The following NCALD variants were observed in gnomAD, a reference collection of about 807,000 sequenced individuals.
NCALD encodes the protein neurocalcin delta, also known as neurocalcin-delta.
In NCALD, 10 loss-of-function variants were observed where a neutral mutation model predicts 18.6. That is an observed-to-expected ratio of 0.54 (90% CI 0.33 to 0.91). The LOEUF (loss-of-function observed/expected upper bound fraction) is 0.91. Ranked by LOEUF, NCALD falls within the 40% of genes least tolerant of loss-of-function variation. The pLI is 0.03. For synonymous variants in NCALD, 88 were observed against 87.4 expected, an observed-to-expected ratio of 1.01 and a Z score of -0.04; for missense variants, 184 against 247.6, an observed-to-expected ratio of 0.74 and a Z score of 1.72.
In NCALD at chr8:101,770,355, T is replaced by G. The variant is rs138264243; in HGVS notation, c.-20+20507A>C. On this transcript the variant is annotated intron_variant, in intron 1 of 3. Transcript: ENST00000220931. Reference sequence around the variant, plus strand: ...ACTAGACTAACCCCTTAAAGAAATGTCAGCAAGAGATGATGTTATAATCAG... The same window carrying G: ...ACTAGACTAACCCCTTAAAGAAATGGCAGCAAGAGATGATGTTATAATCAG... Among the ~76,000 whole-genome samples the G allele has an allele frequency of 2.4e-4, 36 of 152,330 alleles. 1 individual carries two copies. The South Asian group carries it at 6.8e-3, about 29-fold the overall frequency.
intron 4 of NCALD, among the ~76,000 whole-genome samples, chr8:101,803,659 T>G (rs1460214027): frequency 6.6e-6 from 1 of 152,160 alleles, no homozygotes; most frequent in Admixed American, 6.5e-5. Flanking sequence ...GAGGCCAAAA[T>G]ATCAATATTA....
At chr8:101,896,582 T>A (rs957654598) in intron 3 of NCALD, among the ~76,000 whole-genome samples, 1 of 151,916 alleles carries the variant, frequency 6.6e-6, no homozygotes, top group Non-Finnish European at 1.5e-5. Context: ...ACAGGCAACC[T>A]ACAAAATGGG....
At chr8:101,965,324 T>C (rs562384392) in intron 2 of NCALD, among the ~76,000 whole-genome samples, 1 of 152,328 alleles carries the variant, frequency 6.6e-6, no homozygotes, top group East Asian at 1.9e-4. Context: ...CATATGTTTA[T>C]TGCAGCACTG....
At chr8:101,877,461 T>G (rs1035359313) in intron 4 of NCALD, among the ~76,000 whole-genome samples, 3 of 152,214 alleles carry the variant, frequency 2.0e-5, no homozygotes, top group African/African-American at 7.2e-5. Context: ...TTTCCCCATT[T>G]ATCCAGCATT....
chr8:101,861,144 G>A (rs1220226487), intron 4 of NCALD, among the ~76,000 whole-genome samples: 2 of 152,082 alleles, frequency 1.3e-5, no homozygotes, highest in African/African-American at 2.4e-5. Context: ...GACTTCTGAC[G>A]CCCAGAATGG....
At chr8:102,002,837 A>G (rs1821530331) in intron 2 of NCALD, among the ~76,000 whole-genome samples, 1 of 152,248 alleles carries the variant, frequency 6.6e-6, no homozygotes, top group Non-Finnish European at 1.5e-5. Flanking sequence ...AACGAGAACA[A>G]AGACACAACA....
intron 3 of NCALD, among the ~76,000 whole-genome samples, chr8:101,906,051 G>A (rs540832285): frequency 5.3e-5 from 8 of 152,284 alleles, no homozygotes; most frequent in Admixed American, 4.6e-4. Flanking sequence ...CAAACTCATT[G>A]TTTGCTTACC....
intron 2 of NCALD, among the ~76,000 whole-genome samples, chr8:101,716,566 C>T (rs1055919540): frequency 1.3e-5 from 2 of 152,140 alleles, no homozygotes; most frequent in Admixed American, 6.5e-5. Flanking sequence ...TTTGCTTATT[C>T]ACCCAGATGT....
intron 1 of NCALD, chr8:101,788,969 A>G (rs576492615): frequency 1.3e-5 from 2 of 152,310 alleles, no homozygotes; most frequent in Admixed American, 6.5e-5. Context: ...AAACTTCATC[A>G]TTGAGATTTT....
chr8:101,848,797 T>C (rs532562317), intron 4 of NCALD, among the ~76,000 whole-genome samples: 18 of 152,192 alleles, frequency 1.2e-4, no homozygotes, highest in South Asian at 2.1e-4. Context: ...ACATTGCTTC[T>C]AAGAATTTTA....
chr8:102,102,021 A>C (rs553502926), intron 1 of NCALD, among the ~76,000 whole-genome samples: 1 of 151,732 alleles, frequency 6.6e-6, no homozygotes, highest in East Asian at 2.0e-4. Flanking sequence ...ATAGCTCTTA[A>C]AACTCATCCT....
chr8:101,858,034 G>T (rs1410114627), intron 4 of NCALD, among the ~76,000 whole-genome samples: 2 of 152,120 alleles, frequency 1.3e-5, no homozygotes, highest in Admixed American at 6.5e-5. Flanking sequence ...AGAGCAATTT[G>T]ATTAAAACAA....
intron 4 of NCALD, among the ~76,000 whole-genome samples, chr8:101,829,777 C>T (rs7841057): frequency 1 from 152,121 of 152,338 alleles, 75,952 homozygotes; most frequent in Middle Eastern, 1. Flanking sequence ...TACAACTAAA[C>T]AGCAAACATC....
intron 4 of NCALD, among the ~76,000 whole-genome samples, chr8:101,798,236 T>G (rs995604425): frequency 6.6e-6 from 1 of 152,180 alleles, no homozygotes; most frequent in Non-Finnish European, 1.5e-5. Context: ...GTGGATGAAA[T>G]GATTATCTAT....
chr8:101,834,649 T>C (rs971020416), intron 4 of NCALD, among the ~76,000 whole-genome samples: 1 of 152,198 alleles, frequency 6.6e-6, no homozygotes, highest in Admixed American at 6.5e-5. Flanking sequence ...GAAGTATGAT[T>C]TTCCCCAGGA....
At chr8:101,724,971 C>T (rs1816509092) in intron 1 of NCALD, among the ~76,000 whole-genome samples, 1 of 152,200 alleles carries the variant, frequency 6.6e-6, no homozygotes, top group Non-Finnish European at 1.5e-5. Context: ...CAAACAGGCA[C>T]TAAGTGTCTA....
chr8:101,717,806 C>G (rs748526681), intron 2 of NCALD, among the ~76,000 whole-genome samples: 2 of 152,154 alleles, frequency 1.3e-5, no homozygotes, highest in Non-Finnish European at 2.9e-5. Context: ...GAATGGGAAG[C>G]TCTGTGAGAT....
intron 2 of NCALD, chr8:102,020,104 A>G (rs1413640032): frequency 6.6e-6 from 1 of 152,150 alleles, no homozygotes; most frequent in Non-Finnish European, 1.5e-5. Context: ...CAATTTCCTC[A>G]TGTATAAGAT....
At chr8:102,035,905 A>G (rs1822846111) in intron 1 of NCALD, among the ~76,000 whole-genome samples, 1 of 152,162 alleles carries the variant, frequency 6.6e-6, no homozygotes, top group Admixed American at 6.6e-5. Flanking sequence ...TTATATCACA[A>G]AATTATATTG....
Sources: gnomAD v4.1 joint callset for allele counts (sites outside exome capture counted in the v4.1 genomes callset) on GRCh38, gnomAD v4.1.1 for gene constraint, MANE v1.5 for transcripts, NCBI Gene and HGNC (gene_info 2026-07-23, HGNC 2026-07-21) for gene names.